Variants in THSD4 observed in about 807,000 individuals in gnomAD.
THSD4 encodes thrombospondin type-1 domain-containing protein 4.
Under a neutral mutation model 119.0 loss-of-function variants are expected in THSD4, and 69 were observed. That is an observed-to-expected ratio of 0.58 (90% CI 0.48 to 0.71). THSD4 has a LOEUF of 0.71. Ranked by LOEUF, THSD4 falls within the 30% of genes least tolerant of loss-of-function variation. The pLI is 0.00. For synonymous variants in THSD4, 524 were observed against 540.4 expected (o/e 0.97, Z 0.42); for missense variants, 1,393 against 1,391.1 (o/e 1.00, Z -0.02).
chr15:71,141,977 C>G (rs1276410429), intron 2 of THSD4, among the ~76,000 whole-genome samples: 1 of 152,130 alleles, frequency 6.6e-6, no homozygotes, highest in Non-Finnish European at 1.5e-5. Context: ...GCGGCAGGCA[C>G]CTGTAATACC....
intron 6 of THSD4, among the ~76,000 whole-genome samples, chr15:71,410,360 G>C (rs550055657): frequency 1.3e-5 from 2 of 152,324 alleles, no homozygotes; most frequent in South Asian, 4.1e-4. Flanking sequence ...CTGAGAGGGG[G>C]CAGAAGTAGA....
chr15:71,292,463 C>T (rs1445908845), intron 6 of THSD4, among the ~76,000 whole-genome samples: 1 of 151,894 alleles, frequency 6.6e-6, no homozygotes, highest in Non-Finnish European at 1.5e-5. Context: ...CCTTGTCTTT[C>T]CTATTTTCTG....
chr15:71,753,513 A>G (rs1443602425), intron 14 of THSD4, among the ~76,000 whole-genome samples: 1 of 152,218 alleles, frequency 6.6e-6, no homozygotes, highest in African/African-American at 2.4e-5. Context: ...TTAGGATTTA[A>G]CTGTTGCTGG....
intron 4 of THSD4, among the ~76,000 whole-genome samples, chr15:71,222,252 A>G (rs951601190): frequency 1.3e-4 from 20 of 152,190 alleles, no homozygotes; most frequent in African/African-American, 4.6e-4. Flanking sequence ...CCACAAAGAC[A>G]GGGTATGAGA....
intron 6 of THSD4, among the ~76,000 whole-genome samples, chr15:71,337,412 C>T (rs1294211174): frequency 6.6e-6 from 1 of 152,222 alleles, no homozygotes; most frequent in Non-Finnish European, 1.5e-5. Flanking sequence ...CTTGATGCTC[C>T]TTACTCAGTG....
intron 6 of THSD4, chr15:71,348,354 G>A (rs1198797340): frequency 6.6e-6 from 1 of 152,232 alleles, no homozygotes; most frequent in Admixed American, 6.5e-5. Flanking sequence ...CTCAATTGAT[G>A]CTGTTGTTGC....
chr15:71,297,639 C>T (rs573947714), intron 6 of THSD4, among the ~76,000 whole-genome samples: 2 of 152,122 alleles, frequency 1.3e-5, no homozygotes, highest in South Asian at 4.1e-4. Context: ...CGGCCTTTTC[C>T]TCCTCCTTTT....
intron 7 of THSD4, among the ~76,000 whole-genome samples, chr15:71,635,789 A>G: frequency 6.6e-6 from 1 of 152,244 alleles, no homozygotes; most frequent in East Asian, 1.9e-4. Context: ...ATTAACGTTT[A>G]TTGGGTGCCC....
chr15:71,728,251 CCT>C (rs1273040879), intron 8 of THSD4, among the ~76,000 whole-genome samples: 1 of 152,042 alleles, frequency 6.6e-6, no homozygotes, highest in Non-Finnish European at 1.5e-5. Context: ...TTCTCTTCCT[CCT>C]CTTTCTCCTT....
intron 7 of THSD4, among the ~76,000 whole-genome samples, chr15:71,545,969 T>A (rs2048831143): frequency 6.6e-6 from 1 of 152,182 alleles, no homozygotes; most frequent in Non-Finnish European, 1.5e-5. Context: ...TTCAAGTGTT[T>A]ATTAATTTAC....
At chr15:71,194,756 G>A (rs966597982) in intron 3 of THSD4, among the ~76,000 whole-genome samples, 1 of 152,164 alleles carries the variant, frequency 6.6e-6, no homozygotes, top group African/African-American at 2.4e-5. Context: ...AGCTGTTCCT[G>A]GTCTTCAGTG....
intron 7 of THSD4, among the ~76,000 whole-genome samples, chr15:71,643,234 G>C (rs1047934552): frequency 4.6e-5 from 7 of 152,126 alleles, no homozygotes; most frequent in African/African-American, 1.7e-4. Flanking sequence ...AAAGAAAAGA[G>C]ATATAAGTAA....
At chr15:71,482,550 A>G (rs906350199) in intron 7 of THSD4, among the ~76,000 whole-genome samples, 3 of 151,522 alleles carry the variant, frequency 2.0e-5, no homozygotes, top group African/African-American at 7.3e-5. Flanking sequence ...TCGGCCTCCC[A>G]AAGTGCTGGG....
chr15:71,728,181 G>A (rs892690140), intron 8 of THSD4, among the ~76,000 whole-genome samples: 3 of 152,010 alleles, frequency 2.0e-5, no homozygotes, highest in East Asian at 1.9e-4. Context: ...GGCTGCCAGC[G>A]TGCAACCTCT....
At chr15:71,672,299 G>A (rs2051548392) in intron 8 of THSD4, among the ~76,000 whole-genome samples, 1 of 152,158 alleles carries the variant, frequency 6.6e-6, no homozygotes, top group African/African-American at 2.4e-5. Flanking sequence ...TCTGTTGCTG[G>A]TGTATAGGAA....
chr15:71,630,388 T>C (rs1356928491), intron 7 of THSD4, among the ~76,000 whole-genome samples: 1 of 152,194 alleles, frequency 6.6e-6, no homozygotes, highest in Non-Finnish European at 1.5e-5. Flanking sequence ...ACTTTGTGAT[T>C]AAAAAATGTG....
chr15:71,233,432 T>C (rs1161133215), intron 4 of THSD4, among the ~76,000 whole-genome samples: 1 of 152,220 alleles, frequency 6.6e-6, no homozygotes, highest in Non-Finnish European at 1.5e-5. Flanking sequence ...ATATATTCTG[T>C]ATATACTGTG....
At chr15:71,477,287 A>G (rs1327106342) in intron 7 of THSD4, among the ~76,000 whole-genome samples, 1 of 152,224 alleles carries the variant, frequency 6.6e-6, no homozygotes, top group East Asian at 1.9e-4. Context: ...TCAAATGAGA[A>G]CATAAACAGA....
intron 7 of THSD4, among the ~76,000 whole-genome samples, chr15:71,556,981 A>G (rs565390873): frequency 6.6e-6 from 1 of 151,534 alleles, no homozygotes; most frequent in East Asian, 1.9e-4. Context: ...TCCAATTTTT[A>G]TAATTTTTAT....
Sources: allele counts gnomAD v4.1 joint callset (sites outside exome capture counted in the v4.1 genomes callset), GRCh38; gene constraint gnomAD v4.1.1; transcripts MANE v1.5; gene names NCBI Gene and HGNC (gene_info 2026-07-23, HGNC 2026-07-21).